SPP1: variants seen among roughly 807,000 people sequenced by gnomAD.
The protein encoded by SPP1 is secreted phosphoprotein 1.
SPP1 carries 18 observed loss-of-function variants against 20.8 expected under a neutral mutation model. The observed-to-expected ratio is 0.87, with a 90% CI of 0.60 to 1.29. The LOEUF is 1.29. Among genes scored for constraint, SPP1 ranks in the 50% most tolerant of loss-of-function variants. SPP1 has a pLI of 0.00. For missense variants in SPP1, 363 were observed against 389.0 expected (o/e 0.93, Z 0.56); for synonymous variants, 146 against 141.5 (o/e 1.03, Z -0.23).
At chr4:87,978,617 C>G (rs376127725) in intron 3 of SPP1, among the ~76,000 whole-genome samples, 1 of 152,078 alleles carries the variant, frequency 6.6e-6, no homozygotes, top group Non-Finnish European at 1.5e-5. Context: ...CTCCTGACCT[C>G]GTGATCCACC....
rs1725580672 is a variant in SPP1, at chr4:87,980,056, A to G, written c.104A>G (p.Lys35Arg). Residue 35 changes from lysine (K) to arginine (R), a missense_variant, in exon 4 of 7, where the codon AAA (lysine) becomes AGA (arginine). Physicochemically the swap from Lys to Arg is conservative, Grantham distance 26. Transcript: ENST00000395080. ...GCAACTTTTTTGTAGCTTTACAACA[A>G]ATACCCAGATGCTGTGGCCACATGG... ...GSSEEKQLYN[K>R]YPDAVATWLN... 4 of 1,613,976 alleles carry G rather than the reference A, an allele frequency of 2.5e-6. No homozygotes were observed. The highest frequency in any genetic ancestry group is 3.4e-6 in the Non-Finnish European group (4 of 1,180,024).
At chr4:87,980,276 A>T in intron 4 of SPP1, 117 bp from the exon 5 acceptor site, 1 of 1,483,960 alleles carries the variant, frequency 6.7e-7, no homozygotes, top group Non-Finnish European at 9.3e-7. Context: ...TCTCTGTGTT[A>T]AGCCATCCAC....
At chr4:87,977,233 G>A in intron 3 of SPP1, 136 bp downstream of exon 3, 1 of 877,222 alleles carries the variant, frequency 1.1e-6, no homozygotes, top group Admixed American at 2.2e-5. Flanking sequence ...TTGACTGCCT[G>A]CTATGAATCT....
intron 3 of SPP1, among the ~76,000 whole-genome samples, chr4:87,978,894 T>C (rs1243801206): frequency 6.6e-6 from 1 of 152,128 alleles, no homozygotes; most frequent in Non-Finnish European, 1.5e-5. Context: ...GGAAATGTAA[T>C]GATTGGCCCT....
chr4:87,981,676 C>T lies in SPP1; in HGVS notation c.418C>T (p.Leu140=). ...ACTGGTCACTGATTTTCCCACGGAC[C>T]TGCCAGCAACCGAAGTTTTCACTCC... ...DELVTDFPTD[L]PATEVFTPVV... The change falls in exon 6 of 7, where the codon CTG becomes TTG. Residue 140 remains leucine (L), a synonymous_variant. Transcript: ENST00000395080. 1 of 1,614,220 alleles carries T rather than the reference C, an allele frequency of 6.2e-7. No homozygotes were observed. The highest frequency in any genetic ancestry group is 8.5e-7 in the Non-Finnish European group (1 of 1,180,044).
chr4:87,981,941 A>G (rs1236647703), intron 6 of SPP1, 143 bp downstream of exon 6: 2 of 756,262 alleles, frequency 2.6e-6, no homozygotes, highest in African/African-American at 3.5e-5. Context: ...ATGACCATTG[A>G]ATACAAATCT....
chr4:87,979,427 C>A (rs1458263474), intron 3 of SPP1, among the ~76,000 whole-genome samples: 2 of 152,052 alleles, frequency 1.3e-5, no homozygotes, highest in Admixed American at 6.5e-5. Context: ...CCTGCCTCGG[C>A]CTCCCAAAGT....
Position 87,983,079 on chromosome 4 carries a change from C to T in SPP1, c.*183C>T, listed in dbSNP as rs1456944512. The T allele has an allele frequency of 1.4e-5, 9 of 621,382 alleles. No homozygotes were observed. The East Asian group carries it at 2.7e-4, about 18-fold the overall frequency. The allele number at this position is 621,382 out of a possible 1,614,324, so 38.5% of individuals were successfully genotyped here. A position where few individuals can be genotyped will look rare whatever the true frequency, so the allele number is the denominator to read the frequency against. On this transcript the variant is annotated 3_prime_UTR_variant, in exon 7 of 7. Transcript: ENST00000395080. ...TAGTTTGTGGCTTCATGGAAACTCC[C>T]TGTAAACTAAAAGCTTCAGGGTTAT...
chr4:87,982,014 A>G (rs1725669218), intron 6 of SPP1, among the ~76,000 whole-genome samples: 1 of 152,120 alleles, frequency 6.6e-6, no homozygotes, highest in South Asian at 2.1e-4. Context: ...TCTCAAACAC[A>G]ATTCTACTTT....
intron 1 of SPP1, 63 bp from the exon 2 acceptor site, chr4:87,976,819 T>C: frequency 8.8e-7 from 1 of 1,137,428 alleles, no homozygotes; most frequent in East Asian, 2.4e-5. Flanking sequence ...TGTGGTAGTA[T>C]AAAAAGGTAT....
At chr4:87,979,921 C>A in intron 3 of SPP1, 125 bp from the exon 4 acceptor site, 31 of 822,158 alleles carry the variant, frequency 3.8e-5, no homozygotes, top group South Asian at 1.2e-4. Flanking sequence ...AAAAAAATTA[C>A]AAAAAGGTAC....
At chr4:87,980,966 G>A (rs773029269) in intron 5 of SPP1, among the ~76,000 whole-genome samples, 2 of 152,168 alleles carry the variant, frequency 1.3e-5, no homozygotes, top group Non-Finnish European at 2.9e-5. Flanking sequence ...TCAATGGGCA[G>A]TTTTGAGCTG....
chr4:87,980,194 G>C, intron 4 of SPP1, 68 bp downstream of exon 4: 1 of 1,569,972 alleles, frequency 6.4e-7, no homozygotes, highest in South Asian at 1.1e-5. Context: ...CATTTGGGCT[G>C]CTCAGATGAA....
chr4:87,976,480 T>A (rs546988239), intron 1 of SPP1, among the ~76,000 whole-genome samples: 1 of 152,298 alleles, frequency 6.6e-6, no homozygotes, highest in Admixed American at 6.5e-5. Context: ...AAGCAAATTT[T>A]TTTCATTTTT....
At chr4:87,981,903 C>T (rs1725665894) in intron 6 of SPP1, 105 bp downstream of exon 6, 3 of 1,018,710 alleles carry the variant, frequency 2.9e-6, no homozygotes, top group Non-Finnish European at 4.3e-6. Flanking sequence ...TTCATCCATT[C>T]AGCAAGAATT....
chr4:87,982,911 C>T lies in SPP1; in HGVS notation c.*15C>T. 1.3e-6 allele frequency: 2 copies of T among 1,566,314 alleles called. No homozygotes were observed. The highest frequency in any genetic ancestry group is 1.7e-6 in the Non-Finnish European group (2 of 1,158,968). ...AGGTCAATTAAAAGGAGAAAAAATA[C>T]AATTTCTCACTTTGCATTTAGTCAA... is the stretch of plus-strand genomic sequence containing the variant. On this transcript the variant is annotated 3_prime_UTR_variant, in exon 7 of 7. Transcript: ENST00000395080.
intron 4 of SPP1, 21 bp from the exon 5 acceptor site, chr4:87,980,372 C>T (rs762006352): frequency 2.5e-6 from 4 of 1,613,738 alleles, no homozygotes; most frequent in Admixed American, 1.7e-5. Context: ...TGCGCACTAA[C>T]ACGTGCCATT....
At chr4:87,977,555 GT>G in intron 3 of SPP1, 2 of 621,936 alleles carry the variant, frequency 3.2e-6, no homozygotes, top group African/African-American at 3.9e-5. Flanking sequence ...TGAAAAGAAA[GT>G]CTATGTGTGC....
At position 87,978,805 on chromosome 4, in the gene SPP1, C is replaced by T. The variant is rs551762721; in HGVS notation, c.94-1241C>T. On this transcript the variant is annotated intron_variant, in intron 3 of 6. Coordinates refer to ENST00000395080, the MANE Select transcript of SPP1 (RefSeq NM_001040058.2). ...AAACTCCAAGTACTTCTGACTGGTT[C>T]TCTCTCTACTCATCCACCCCTTAGG... Among the ~76,000 whole-genome samples the T allele has an allele frequency of 2.6e-5, 4 of 152,286 alleles. No individual in the cohort carries two copies. The South Asian group carries it at 6.2e-4, about 24-fold the overall frequency.
Sources: gnomAD v4.1 joint callset for allele counts (sites outside exome capture counted in the v4.1 genomes callset) on GRCh38, gnomAD v4.1.1 for gene constraint, MANE v1.5 for transcripts, NCBI Gene and HGNC (gene_info 2026-07-23, HGNC 2026-07-21) for gene names.